Variants in EDDM13 observed in about 807,000 individuals in gnomAD.
EDDM13 encodes the protein epididymal protein 13.
Under a neutral mutation model 17.8 loss-of-function variants are expected in EDDM13, and 24 were observed. The observed-to-expected ratio is 1.35, with a 90% confidence interval of 0.98 to 1.90. The LOEUF is 1.90. EDDM13 is among the 40% of genes most tolerant of loss of function. The pLI is 0.00. For synonymous variants in EDDM13, 31 were observed against 37.5 expected, an observed-to-expected ratio of 0.83 and a Z score of 0.63; for missense variants, 97 against 100.8, an observed-to-expected ratio of 0.96 and a Z score of 0.16.
At position 56,284,892 on chromosome 19, in the gene EDDM13, T is replaced by A. The variant is rs2038989287; in HGVS notation, c.128-106T>A. 7 of 424,148 alleles carry A rather than the reference T, an allele frequency of 1.7e-5. No homozygotes were observed. In the South Asian group the frequency reaches 5.0e-4, roughly 30 times the overall value. 26.3% of individuals were successfully genotyped at this position (424,148 alleles called of 1,614,324 possible). On this transcript the variant is annotated intron_variant, in intron 5 of 14. Transcript: ENST00000649256. ...ATGACTGAGGCATTATAGCCACACT[T>A]CCTGAAGAAGAGTTTGTTACATCTG...
rs542779647 is a variant in EDDM13, at chr19:56,280,644, T to C, written c.104-1049T>C. Reference sequence around the variant, plus strand: ...TTTATTGGCTCATGTTTCTGGAGGCTGAGAAGTCCAAGATTGAGGGGTTGG... The same window carrying C: ...TTTATTGGCTCATGTTTCTGGAGGCCGAGAAGTCCAAGATTGAGGGGTTGG... On this transcript the variant is annotated intron_variant, in intron 2 of 14. Transcript: ENST00000649256. 2.0e-5 allele frequency: 3 copies of C among 152,350 alleles called. No homozygotes were observed. The East Asian group carries it at 5.8e-4, about 29-fold the overall frequency. The allele number at this position is 152,350 out of a possible 1,614,324, so 9.4% of individuals were successfully genotyped here.
At chr19:56,288,584 GCC>G (rs2039298164) in intron 7 of EDDM13, among the ~76,000 whole-genome samples, 146 bp downstream of exon 7, 1 of 152,140 alleles carries the variant, frequency 6.6e-6, no homozygotes, top group Middle Eastern at 3.2e-3. Context: ...GCTGGGTCTG[GCC>G]TGCCTTGCTT....
At chr19:56,273,143 A>G (rs991589684) in intron 1 of EDDM13, among the ~76,000 whole-genome samples, 1 of 152,126 alleles carries the variant, frequency 6.6e-6, no homozygotes, top group Non-Finnish European at 1.5e-5. Context: ...GGTTTCTATC[A>G]CTGATTCTGT....
rs1283261503 is a variant in EDDM13, at chr19:56,276,103, GA to G, written c.103del (p.Ile35SerfsTer4). ...GCTTTTGTCTCCAGTTGCAACTAAA[GA>G]AAAAAGTAAGAACCGTGGAACCCCC... ...ACTPREVATK[E>X]KINLLKGIIG... is the part of the protein sequence containing the mutation. On this transcript the variant is annotated frameshift_variant, in exon 2 of 15. Coordinates refer to ENST00000649256, the MANE Select transcript of EDDM13 (RefSeq NM_001354658.2). LOFTEE classifies it high-confidence loss of function. Among the ~76,000 whole-genome samples, 1 of 152,110 alleles carries G rather than the reference GA, an allele frequency of 6.6e-6. No individual in the cohort carries two copies. Among genetic ancestry groups the G allele is most frequent in the Non-Finnish European group, 1.5e-5 (1 of 68,002 alleles).
intron 1 of EDDM13, among the ~76,000 whole-genome samples, chr19:56,275,891 G>A (rs903744953): frequency 2.0e-5 from 3 of 152,232 alleles, no homozygotes; most frequent in Non-Finnish European, 2.9e-5. Flanking sequence ...GATGATGAAC[G>A]AATGGACTTA....
rs1024427744 is a variant in EDDM13, at chr19:56,301,982, G to A, written c.310G>A (p.Gly104Ser). 1 of 1,232,058 alleles carries A rather than the reference G, an allele frequency of 8.1e-7. No homozygotes were observed. The highest frequency in any genetic ancestry group is 1.0e-6 in the Non-Finnish European group (1 of 988,272). The allele number at this position is 1,232,058 out of a possible 1,614,324, so 76.3% of individuals were successfully genotyped here. ...GCKEEVKPFS[G>S]TTPSRKPLPK... ...GTTCTCTCCAGTTAAACCCTTCTCA[G>A]GCACCACCCCATCCAGGAAACCACT... Residue 104 changes from glycine (G) to serine (S), a missense_variant, in exon 13 of 15, where the codon GGC becomes AGC. Gly to Ser is a moderately conservative substitution (Grantham distance 56, BLOSUM62 0). Coordinates refer to ENST00000649256, the MANE Select transcript of EDDM13 (RefSeq NM_001354658.2).
At position 56,276,567 on chromosome 19, in the gene EDDM13, C is replaced by T. The variant is rs139963401; in HGVS notation, c.103+458C>T. Reference sequence around the variant, plus strand: ...ATTTATTTATTTTTGAGACGAGCCTCGCTCTGTCGCCCAGGCTGGAGTGTA... The same window carrying T: ...ATTTATTTATTTTTGAGACGAGCCTTGCTCTGTCGCCCAGGCTGGAGTGTA... On this transcript the variant is annotated intron_variant, in intron 2 of 14. Transcript: ENST00000649256. Among the ~76,000 whole-genome samples the T allele has an allele frequency of 6.9e-3, 1,016 of 148,186 alleles. 15 individuals are homozygous for T. The highest frequency in any genetic ancestry group is 0.024 in the African/African-American group (966 of 40,684).
intron 14 of EDDM13, among the ~76,000 whole-genome samples, chr19:56,305,165 A>G (rs2040601979): frequency 6.6e-6 from 1 of 152,168 alleles, no homozygotes; most frequent in Non-Finnish European, 1.5e-5. Context: ...AGTACACTCA[A>G]AATATTGTGT....
At chr19:56,289,185 T>C (rs1022637335) in intron 8 of EDDM13, among the ~76,000 whole-genome samples, 28 of 152,354 alleles carry the variant, frequency 1.8e-4, no homozygotes, top group African/African-American at 6.7e-4. Context: ...GATTTCAGGA[T>C]GCTAAGGGTC....
chr19:56,285,990 C>T (rs1309155216), intron 6 of EDDM13, among the ~76,000 whole-genome samples: 1 of 152,122 alleles, frequency 6.6e-6, no homozygotes, highest in African/African-American at 2.4e-5. Context: ...CTTGTTTCCC[C>T]ACACCTTCAG....
intron 6 of EDDM13, 87 bp downstream of exon 6, chr19:56,285,111 G>T (rs531057075): frequency 3.9e-5 from 26 of 674,268 alleles, no homozygotes; most frequent in South Asian, 3.3e-4. Context: ...ATGCTTTTAG[G>T]TAGAGTCTAA....
At chr19:56,307,796 G>A (rs1485584909) in intron 14 of EDDM13, among the ~76,000 whole-genome samples, 1 of 152,126 alleles carries the variant, frequency 6.6e-6, no homozygotes, top group Non-Finnish European at 1.5e-5. Flanking sequence ...CTATATTTTG[G>A]GTACACACCT....
In EDDM13 at chr19:56,282,456, C is replaced by T. The variant is rs544617574; in HGVS notation, c.110-35C>T. On this transcript the variant is annotated intron_variant, in intron 3 of 14. Transcript: ENST00000649256. ...CAATATGGTTCCCACTGGCTACCAT[C>T]GGTCCTGTCCTTCCTGCTGCTTGTC... 12 of 984,568 alleles carry T rather than the reference C, an allele frequency of 1.2e-5. No homozygotes were observed. In the Admixed American group the frequency reaches 3.1e-4, roughly 25 times the overall value. The allele number at this position is 984,568 out of a possible 1,614,324, so 61.0% of individuals were successfully genotyped here.
At position 56,302,026 on chromosome 19, in the gene EDDM13, G is replaced by C. The variant is rs776212392; in HGVS notation, c.354G>C (p.Thr118=). 25 of 1,231,858 alleles carry C rather than the reference G, an allele frequency of 2.0e-5. No homozygotes were observed. The highest frequency in any genetic ancestry group is 2.3e-5 in the Non-Finnish European group (23 of 988,194). The allele number at this position is 1,231,858 out of a possible 1,614,324, so 76.3% of individuals were successfully genotyped here. A position where few individuals can be genotyped will look rare whatever the true frequency, so the allele number is the denominator to read the frequency against. ...AACCACTCCCCAAGAGGAAGAACAC[G>C]TGGAACTTCCTGAAATGCGCCTACA... ...SRKPLPKRKN[T]WNFLKCAYMV... is the part of the protein sequence containing the mutation. The change falls in exon 13 of 15, where the codon ACG becomes ACC. Residue 118 remains threonine, a synonymous_variant. Coordinates refer to ENST00000649256, the MANE Select transcript of EDDM13 (RefSeq NM_001354658.2).
chr19:56,297,309 C>T (rs1249550569), intron 11 of EDDM13, among the ~76,000 whole-genome samples, 196 bp from the exon 12 acceptor site: 1 of 152,070 alleles, frequency 6.6e-6, no homozygotes, highest in African/African-American at 2.4e-5. Context: ...TTGGTCTCCA[C>T]CCACTTCATA....
At chr19:56,303,459 C>T (rs1452223395) in intron 13 of EDDM13, among the ~76,000 whole-genome samples, 1 of 144,826 alleles carries the variant, frequency 6.9e-6, no homozygotes, top group Non-Finnish European at 1.5e-5. Context: ...CAGAGTGAGA[C>T]TCTGTCTCAA....
At chr19:56,300,698 A>G (rs879429470) in intron 12 of EDDM13, among the ~76,000 whole-genome samples, 2 of 152,236 alleles carry the variant, frequency 1.3e-5, no homozygotes, top group African/African-American at 2.4e-5. Context: ...TGAATTTTCA[A>G]CAGGGAGAAT....
At chr19:56,277,526 A>AG (rs558518070) in intron 2 of EDDM13, among the ~76,000 whole-genome samples, 24 of 130,340 alleles carry the variant, frequency 1.8e-4, no homozygotes, top group Admixed American at 2.6e-4. Flanking sequence ...AGTGATTTCC[A>AG]GGGGGTGAGG....
chr19:56,300,924 G>A (rs1256908695), intron 12 of EDDM13, among the ~76,000 whole-genome samples: 1 of 152,202 alleles, frequency 6.6e-6, no homozygotes, highest in African/African-American at 2.4e-5. Context: ...AAGCGACACG[G>A]TCGGATCTGG....
Sources: gnomAD v4.1 joint callset for allele counts (sites outside exome capture counted in the v4.1 genomes callset) on GRCh38, gnomAD v4.1.1 for gene constraint, MANE v1.5 for transcripts, NCBI Gene and HGNC (gene_info 2026-07-23, HGNC 2026-07-21) for gene names.